ABCB1: variants seen among roughly 807,000 people sequenced by gnomAD.
The protein encoded by ABCB1 is ATP-dependent translocase ABCB1.
A neutral mutation model predicts 142.0 loss-of-function variants in ABCB1; 69 were observed. The observed-to-expected ratio is 0.49, with a 90% CI of 0.40 to 0.59. ABCB1 has a LOEUF of 0.59. Among genes scored for constraint, ABCB1 ranks in the 20% least tolerant of loss-of-function variants. The pLI is 0.00. For synonymous variants in ABCB1, 532 were observed against 539.2 expected (o/e 0.99, Z 0.18); for missense variants, 1,326 against 1,554.7 (o/e 0.85, Z 2.47).
At chr7:87,522,345 A>T (rs556831832) in intron 21 of ABCB1, 4 of 732,314 alleles carry the variant, frequency 5.5e-6, no homozygotes, top group Non-Finnish European at 1.0e-5. Flanking sequence ...TACTTTGCCA[A>T]ACCATGAAAC....
chr7:87,712,066 A>G (rs1830137421), intron 1 of ABCB1, among the ~76,000 whole-genome samples: 6 of 152,180 alleles, frequency 3.9e-5, no homozygotes, highest in Admixed American at 3.3e-4. Context: ...CTAATTAAGT[A>G]TCTTTATTTA....
At chr7:87,598,898 G>A (rs1273900463) in intron 2 of ABCB1, among the ~76,000 whole-genome samples, 2 of 152,078 alleles carry the variant, frequency 1.3e-5, no homozygotes, top group Non-Finnish European at 2.9e-5. Flanking sequence ...TCCCAGACCT[G>A]GCTGAAATTA....
At chr7:87,565,548 T>C in intron 7 of ABCB1, 1 of 416,236 alleles carries the variant, frequency 2.4e-6, no homozygotes. Flanking sequence ...AATTATTTTA[T>C]AACCAAAAAT....
chr7:87,550,210 G>A lies in ABCB1; in HGVS notation c.1311C>T (p.Val437=), dbSNP rs758924414. 1.2e-6 allele frequency: 2 copies of A among 1,614,150 alleles called. No individual in the cohort carries two copies. The highest frequency in any genetic ancestry group is 2.2e-5 in the South Asian group (2 of 91,074). The change falls in exon 12 of 28, where the codon GTC becomes GTT. Residue 437 remains valine, a synonymous_variant. Transcript: ENST00000622132. ...GGTCATAGAGCCTCTGCATCAGCTGGACTGTTGTGCTCTTCCCACAGCCAC... is the reference window on the plus strand; with the variant it reads ...GGTCATAGAGCCTCTGCATCAGCTGAACTGTTGTGCTCTTCCCACAGCCAC... The part of the protein sequence containing the change: ...GNSGCGKSTT[V]QLMQRLYDPT...
intron 1 of ABCB1, among the ~76,000 whole-genome samples, chr7:87,620,245 C>G (rs1820177966): frequency 6.6e-6 from 1 of 152,060 alleles, no homozygotes; most frequent in South Asian, 2.1e-4. Flanking sequence ...ACTGCAACCT[C>G]CACCTTGCGG....
At chr7:87,523,157 G>A (rs746125789) in intron 21 of ABCB1, among the ~76,000 whole-genome samples, 1 of 152,122 alleles carries the variant, frequency 6.6e-6, no homozygotes, top group Non-Finnish European at 1.5e-5. Context: ...CTGCAGTGCA[G>A]TGGCAATTCA....
At chr7:87,547,176 C>G (rs1816819534) in intron 14 of ABCB1, among the ~76,000 whole-genome samples, 1 of 152,066 alleles carries the variant, frequency 6.6e-6, no homozygotes, top group South Asian at 2.1e-4. Flanking sequence ...TCAAAACCAA[C>G]ACACAACATT....
chr7:87,596,744 A>G (rs1195741230), intron 2 of ABCB1, among the ~76,000 whole-genome samples: 1 of 152,106 alleles, frequency 6.6e-6, no homozygotes, highest in African/African-American at 2.4e-5. Flanking sequence ...GGAGACTTCT[A>G]AAGAAAAAAA....
At chr7:87,506,936 G>C in intron 26 of ABCB1, among the ~76,000 whole-genome samples, 1 of 152,180 alleles carries the variant, frequency 6.6e-6, no homozygotes, top group Non-Finnish European at 1.5e-5. Context: ...CTCTACCCCA[G>C]AGCTGTGGCT....
chr7:87,712,717 TTCAGCTCTA>T (rs1431451115), intron 1 of ABCB1, among the ~76,000 whole-genome samples: 1 of 152,048 alleles, frequency 6.6e-6, no homozygotes, highest in Non-Finnish European at 1.5e-5. Flanking sequence ...AAGGAAATGA[TTCAGCTCTA>T]AAAAAGTACA....
At position 87,578,222 on chromosome 7, in the gene ABCB1, T is replaced by A. The variant is rs374301554; in HGVS notation, c.286+7290A>T. ...TCTTAGAAACTTTGTCAAAAATGAG[T>A]TCACTGTAGATTTGTGGATTTATGT... On this transcript the variant is annotated intron_variant, in intron 4 of 27. Transcript: ENST00000622132. 3.1e-3 allele frequency among the ~76,000 whole-genome samples: 467 copies of A among 152,320 alleles called. 2 individuals are homozygous for A. Among genetic ancestry groups the A allele is most frequent in the African/African-American group, 0.011 (441 of 41,574 alleles).
chr7:87,648,926 A>G (rs906199478), intron 1 of ABCB1, among the ~76,000 whole-genome samples: 20 of 152,108 alleles, frequency 1.3e-4, no homozygotes, highest in East Asian at 3.8e-4. Flanking sequence ...TATAACCTAT[A>G]TAAACAAATC....
chr7:87,573,959 G>A (rs1373371689), intron 4 of ABCB1, among the ~76,000 whole-genome samples: 1 of 152,152 alleles, frequency 6.6e-6, no homozygotes, highest in African/African-American at 2.4e-5. Flanking sequence ...GAGCATGACA[G>A]AATATTTTGT....
chr7:87,676,029 C>G (rs1826317511), intron 1 of ABCB1, among the ~76,000 whole-genome samples: 1 of 151,728 alleles, frequency 6.6e-6, no homozygotes, highest in Non-Finnish European at 1.5e-5. Context: ...ACTTTGAGAT[C>G]TACCTGGGCA....
chr7:87,706,177 A>G (rs1829570416), intron 1 of ABCB1, among the ~76,000 whole-genome samples: 1 of 152,224 alleles, frequency 6.6e-6, no homozygotes, highest in African/African-American at 2.4e-5. Context: ...TCCATCCAAT[A>G]AATTTGCTGT....
At chr7:87,672,058 T>C (rs991657853) in intron 1 of ABCB1, among the ~76,000 whole-genome samples, 1 of 151,900 alleles carries the variant, frequency 6.6e-6, no homozygotes, top group Non-Finnish European at 1.5e-5. Flanking sequence ...CTGCTCAGAC[T>C]CTCCAAATCC....
chr7:87,580,028 AT>A (rs558517997), intron 4 of ABCB1, among the ~76,000 whole-genome samples: 92 of 152,194 alleles, frequency 6.0e-4, no homozygotes, highest in Non-Finnish European at 8.4e-4. Context: ...TGTAGTTATT[AT>A]TTTTTATAGG....
At chr7:87,650,373 C>T (rs976219595) in intron 1 of ABCB1, among the ~76,000 whole-genome samples, 2 of 152,150 alleles carry the variant, frequency 1.3e-5, no homozygotes, top group Admixed American at 1.3e-4. Flanking sequence ...GATCGGGGCA[C>T]CATCAGATTG....
At chr7:87,643,299 G>A (rs539352455) in intron 1 of ABCB1, among the ~76,000 whole-genome samples, 2 of 152,182 alleles carry the variant, frequency 1.3e-5, no homozygotes, top group South Asian at 4.2e-4. Flanking sequence ...ATGTTTCAGG[G>A]TACAAATTTC....
Sources: gnomAD v4.1 joint callset for allele counts (sites outside exome capture counted in the v4.1 genomes callset) on GRCh38, gnomAD v4.1.1 for gene constraint, MANE v1.5 for transcripts, NCBI Gene and HGNC (gene_info 2026-07-23, HGNC 2026-07-21) for gene names.